Variants in ST3GAL5 observed in about 807,000 individuals in gnomAD.
ST3GAL5 encodes the protein ST3 beta-galactoside alpha-2,3-sialyltransferase 5.
ST3GAL5 carries 25 observed loss-of-function variants against 46.1 expected under a neutral mutation model. The ratio of observed to expected loss-of-function variants is 0.54; its 90% CI spans 0.40 to 0.76. ST3GAL5 has a LOEUF of 0.76. ST3GAL5 is among the 30% of genes least tolerant of loss of function. The probability of loss-of-function intolerance (pLI) is 0.00; values close to 1 mark genes in which losing one functional copy is unlikely to be tolerated. For synonymous variants in ST3GAL5, 182 were observed against 192.7 expected (o/e 0.94, Z 0.46); for missense variants, 431 against 521.2 (o/e 0.83, Z 1.69).
chr2:85,884,186 C>A (rs545239525), intron 1 of ST3GAL5, among the ~76,000 whole-genome samples: 3 of 152,244 alleles, frequency 2.0e-5, no homozygotes, highest in African/African-American at 4.8e-5. Flanking sequence ...CTGTGGTGAA[C>A]ATTACATTAG....
At chr2:85,848,534 T>A (rs1683102866) in intron 3 of ST3GAL5, 2 of 620,524 alleles carry the variant, frequency 3.2e-6, no homozygotes, top group East Asian at 5.8e-5. Context: ...TAAGACTTCA[T>A]GTTTCATAAA....
intron 1 of ST3GAL5, among the ~76,000 whole-genome samples, chr2:85,871,139 C>A (rs1345330772): frequency 1.7e-4 from 26 of 151,486 alleles, no homozygotes; most frequent in Non-Finnish European, 1.5e-5. Context: ...CCGGCTCAAG[C>A]AATTTTCCCA....
Position 85,838,371 on chromosome 2 carries a change from G to A in ST3GAL5, c.*1773C>T, listed in dbSNP as rs76799954. Reference sequence around the variant, plus strand: ...TAAGAACGTTGTCTGAGGAAGTTCCGGCTTCTCCAATAACCCCCTGAGGGA... The same window carrying A: ...TAAGAACGTTGTCTGAGGAAGTTCCAGCTTCTCCAATAACCCCCTGAGGGA... On this transcript the variant is annotated 3_prime_UTR_variant, in exon 7 of 7. Transcript: ENST00000638572. 0.044 allele frequency: 6,741 copies of A among 152,198 alleles called. 214 individuals carry two copies. Among genetic ancestry groups the A allele is most frequent in the East Asian group, 0.11 (587 of 5,166 alleles). The allele number at this position is 152,198 out of a possible 1,614,324, so 9.4% of individuals were successfully genotyped here. A position where few individuals can be genotyped will look rare whatever the true frequency, so the allele number is the denominator to read the frequency against.
At chr2:85,886,515 C>T (rs147919415) in intron 1 of ST3GAL5, among the ~76,000 whole-genome samples, 1,751 of 151,916 alleles carry the variant, frequency 0.012, 16 homozygotes, top group Admixed American at 0.018. Context: ...TATGGTATGT[C>T]TACTTTCCTA....
At chr2:85,848,676 G>A (rs1683118201) in intron 3 of ST3GAL5, 2 of 279,286 alleles carry the variant, frequency 7.2e-6, no homozygotes, top group South Asian at 7.8e-5. Flanking sequence ...TAAAAACATG[G>A]TTACCAGGGT....
intron 3 of ST3GAL5, chr2:85,851,485 C>A (rs1683498620): frequency 7.1e-6 from 9 of 1,276,100 alleles, no homozygotes; most frequent in Non-Finnish European, 9.2e-6. Flanking sequence ...ACAGGAGGAC[C>A]ACATGGGCCA....
In ST3GAL5 at chr2:85,847,967, G is replaced by A. The variant is rs886056393; in HGVS notation, c.556C>T (p.His186Tyr). ...ELLPEHDLPE[H>Y]LKAKTCRRCV... is the part of the protein sequence containing the mutation. ...CGCCGACAGGTCTTGGCTTTCAAGTGTTCAGGGAGGTCGTGCTCTGGCAAG... is the reference window on the plus strand; with the variant it reads ...CGCCGACAGGTCTTGGCTTTCAAGTATTCAGGGAGGTCGTGCTCTGGCAAG... The change falls in exon 4 of 7, where the codon CAC becomes TAC. Residue 186 changes from histidine to tyrosine, a missense_variant. By Grantham distance (83) the His-to-Tyr change is moderately conservative. Coordinates refer to ENST00000638572, the MANE Select transcript of ST3GAL5 (RefSeq NM_003896.4). 3.7e-6 allele frequency: 6 copies of A among 1,614,198 alleles called. No individual in the cohort carries two copies. The highest frequency in any genetic ancestry group is 1.1e-5 in the South Asian group (1 of 91,084).
intron 3 of ST3GAL5, among the ~76,000 whole-genome samples, chr2:85,856,864 C>G (rs1684169923): frequency 6.6e-6 from 1 of 151,274 alleles, no homozygotes. Context: ...AGCCACCATG[C>G]CTGGCTGTAC....
At chr2:85,882,834 C>A (rs191518482) in intron 1 of ST3GAL5, among the ~76,000 whole-genome samples, 112 of 132,282 alleles carry the variant, frequency 8.5e-4, no homozygotes, top group East Asian at 1.8e-3. Context: ...GACTCTGTCT[C>A]AAAAAAAAAA....
chr2:85,885,741 C>A (rs1426935640), intron 1 of ST3GAL5, among the ~76,000 whole-genome samples: 1 of 151,322 alleles, frequency 6.6e-6, no homozygotes, highest in Non-Finnish European at 1.5e-5. Flanking sequence ...GGCAGAATGG[C>A]GTGAACCCCG....
intron 3 of ST3GAL5, chr2:85,854,783 G>GA (rs1221332428): frequency 1.3e-5 from 2 of 152,164 alleles, no homozygotes; most frequent in African/African-American, 4.8e-5. Context: ...ACCTGGCCTG[G>GA]AAAACAAGTG....
intron 1 of ST3GAL5, among the ~76,000 whole-genome samples, chr2:85,876,462 C>CCT (rs1686580975): frequency 3.6e-5 from 4 of 111,250 alleles, no homozygotes; most frequent in Non-Finnish European, 7.3e-5. Flanking sequence ...TTTCTTTTTC[C>CCT]TTTTTTTTTT....
intron 1 of ST3GAL5, among the ~76,000 whole-genome samples, chr2:85,877,942 A>G (rs1573709476): frequency 6.6e-6 from 1 of 152,178 alleles, no homozygotes; most frequent in East Asian, 1.9e-4. Flanking sequence ...GAGTATGGTA[A>G]TTTCTCTATT....
chr2:85,844,758 C>T (rs1361879044), intron 5 of ST3GAL5: 2 of 647,356 alleles, frequency 3.1e-6, no homozygotes, highest in Non-Finnish European at 5.5e-6. Flanking sequence ...CCACTTCACA[C>T]AGGCGGCACT....
chr2:85,839,782 C>A lies in ST3GAL5; in HGVS notation c.*362G>T. ...AGGGCCACCATCAAAAGAGTGACCT[C>A]CCCTCTCCTTCCAATTAGTTACCTG... is the stretch of plus-strand genomic sequence containing the variant. On this transcript the variant is annotated 3_prime_UTR_variant, in exon 7 of 7. Coordinates refer to ENST00000638572, the MANE Select transcript of ST3GAL5 (RefSeq NM_003896.4). The A allele has an allele frequency of 3.0e-6, 1 of 338,608 alleles. No individual in the cohort carries two copies. The highest frequency in any genetic ancestry group is 5.7e-6 in the Non-Finnish European group (1 of 175,004). 21.0% of individuals were successfully genotyped at this position (338,608 alleles called of 1,614,324 possible).
chr2:85,864,590 A>G (rs1209363696), intron 1 of ST3GAL5, among the ~76,000 whole-genome samples: 1 of 137,270 alleles, frequency 7.3e-6, no homozygotes, highest in South Asian at 2.6e-4. Flanking sequence ...CATCAAAAAA[A>G]AAAAAGAAAA....
intron 1 of ST3GAL5, among the ~76,000 whole-genome samples, chr2:85,865,337 A>G (rs1311867480): frequency 6.6e-6 from 1 of 152,046 alleles, no homozygotes; most frequent in African/African-American, 2.4e-5. Flanking sequence ...AAATCTGTTT[A>G]TCTTAAACTA....
At chr2:85,857,273 A>T (rs1257657153) in intron 3 of ST3GAL5, among the ~76,000 whole-genome samples, 1 of 151,858 alleles carries the variant, frequency 6.6e-6, no homozygotes, top group Non-Finnish European at 1.5e-5. Flanking sequence ...TCAGTGGCTC[A>T]TGCCTGTCAT....
At chr2:85,882,272 A>G (rs1014447492) in intron 1 of ST3GAL5, among the ~76,000 whole-genome samples, 4 of 152,198 alleles carry the variant, frequency 2.6e-5, no homozygotes, top group African/African-American at 9.6e-5. Context: ...GAGCAGCCAC[A>G]CAGAGTCCCT....
Sources: gnomAD v4.1 joint callset for allele counts (sites outside exome capture counted in the v4.1 genomes callset) on GRCh38, gnomAD v4.1.1 for gene constraint, MANE v1.5 for transcripts, NCBI Gene and HGNC (gene_info 2026-07-23, HGNC 2026-07-21) for gene names.